The following ROBO2 variants were observed in gnomAD, a reference collection of about 807,000 sequenced individuals.
ROBO2 encodes the protein roundabout guidance receptor 2, also known as roundabout homolog 2.
Under a neutral mutation model 160.8 loss-of-function variants are expected in ROBO2, and 53 were observed. That is an observed-to-expected ratio of 0.33 (90% confidence interval 0.26 to 0.41). The LOEUF is 0.41. Ranked by LOEUF, ROBO2 falls within the 10% of genes least tolerant of loss-of-function variation. ROBO2 has a pLI of 1.00. For synonymous variants in ROBO2, 664 were observed against 611.7 expected (o/e 1.09, Z -1.26); for missense variants, 1,577 against 1,722.4 (o/e 0.92, Z 1.49).
chr3:77,381,854 C>T (rs1273923810), intron 2 of ROBO2, among the ~76,000 whole-genome samples: 3 of 152,046 alleles, frequency 2.0e-5, no homozygotes, highest in East Asian at 3.9e-4. Context: ...ATTTTTAAAC[C>T]AGAGTACATT....
At chr3:77,229,873 C>T (rs554908299) in intron 2 of ROBO2, among the ~76,000 whole-genome samples, 1 of 152,032 alleles carries the variant, frequency 6.6e-6, no homozygotes, top group South Asian at 2.1e-4. Flanking sequence ...ATTGAGATTC[C>T]CTCCATGAAG....
At chr3:76,163,224 C>T (rs1486057624) in intron 2 of ROBO2, among the ~76,000 whole-genome samples, 1 of 151,838 alleles carries the variant, frequency 6.6e-6, no homozygotes, top group Non-Finnish European at 1.5e-5. Flanking sequence ...CCATATTCTA[C>T]CTTCAAATTT....
chr3:76,821,236 T>C (rs1385090616), intron 2 of ROBO2, among the ~76,000 whole-genome samples: 1 of 152,040 alleles, frequency 6.6e-6, no homozygotes, highest in Non-Finnish European at 1.5e-5. Context: ...ATGCCTAGAA[T>C]AAAACTGACT....
rs574826906 is a variant in ROBO2, at chr3:76,707,111, G to T, written c.110-390903G>T. On this transcript the variant is annotated intron_variant, in intron 2 of 26. Coordinates refer to the ROBO2 transcript ENST00000487694. ...GTATGTGTATGTATATGTATACATA[G>T]ACTATATATTAATTTTAACTCCATT... is the stretch of plus-strand genomic sequence containing the variant. Among the ~76,000 whole-genome samples, 82 of 151,986 alleles carry T rather than the reference G, an allele frequency of 5.4e-4. 1 individual carries two copies. The South Asian group carries it at 0.014, about 27-fold the overall frequency.
chr3:77,323,000 T>A (rs556145454), intron 2 of ROBO2, among the ~76,000 whole-genome samples: 46 of 558 alleles, frequency 0.082, no homozygotes, highest in East Asian at 0.12. Flanking sequence ...ATATAATATA[T>A]TATATTATAT....
intron 2 of ROBO2, among the ~76,000 whole-genome samples, chr3:76,967,511 CTTTTTTTTTTTTTTT>C (rs59372235): frequency 3.6e-5 from 2 of 55,372 alleles, no homozygotes; most frequent in Admixed American, 2.3e-4. Context: ...CTGGCCAGCT[CTTTTTTTTTTTTTTT>C]TTTTTTTTTT....
At chr3:76,382,259 C>A (rs941111895) in intron 2 of ROBO2, among the ~76,000 whole-genome samples, 2 of 152,140 alleles carry the variant, frequency 1.3e-5, no homozygotes, top group Non-Finnish European at 2.9e-5. Context: ...TGAGCCACAG[C>A]GCTCGGCCTC....
chr3:76,115,242 A>T (rs1483566482), intron 2 of ROBO2, among the ~76,000 whole-genome samples: 1 of 152,198 alleles, frequency 6.6e-6, no homozygotes, highest in African/African-American at 2.4e-5. Context: ...ACTTCTAATA[A>T]ATTCCCCTTT....
At chr3:77,427,452 T>G (rs1038464321) in intron 2 of ROBO2, among the ~76,000 whole-genome samples, 1 of 152,188 alleles carries the variant, frequency 6.6e-6, no homozygotes, top group Non-Finnish European at 1.5e-5. Context: ...AGTTCACGTA[T>G]CTCATAAGTG....
Position 77,255,620 on chromosome 3 carries a change from A to G in ROBO2, c.388+157280A>G, listed in dbSNP as rs146590800. On this transcript the variant is annotated intron_variant, in intron 2 of 25. Coordinates refer to ENST00000461745, the Ensembl canonical transcript of ROBO2. ...TACTATCCAAATTCCTACCATAGCA[A>G]TTTAGGAGATACCATAGATTTGGAG... 5.3e-3 allele frequency among the ~76,000 whole-genome samples: 814 copies of G among 152,316 alleles called. 4 individuals carry two copies. The highest frequency in any genetic ancestry group is 0.017 in the African/African-American group (696 of 41,578).
At chr3:76,618,302 C>A (rs2088762179) in intron 2 of ROBO2, among the ~76,000 whole-genome samples, 1 of 151,432 alleles carries the variant, frequency 6.6e-6, no homozygotes, top group Non-Finnish European at 1.5e-5. Context: ...TTATTTTTAC[C>A]ATTACTGTTG....
At chr3:76,149,901 T>C (rs1254854675) in intron 2 of ROBO2, among the ~76,000 whole-genome samples, 5 of 150,108 alleles carry the variant, frequency 3.3e-5, no homozygotes, top group Non-Finnish European at 7.4e-5. Context: ...ATCATCTGTC[T>C]AAAACACACA....
intron 2 of ROBO2, among the ~76,000 whole-genome samples, chr3:77,206,738 ACT>A (rs1362333547): frequency 2.0e-5 from 3 of 152,268 alleles, no homozygotes; most frequent in South Asian, 2.1e-4. Flanking sequence ...ATTTAGTAGT[ACT>A]CTCATCAGAA....
intron 2 of ROBO2, among the ~76,000 whole-genome samples, chr3:76,820,685 T>C (rs1451002346): frequency 1.3e-5 from 2 of 151,978 alleles, no homozygotes; most frequent in Non-Finnish European, 1.5e-5. Flanking sequence ...ACTAATGTAC[T>C]TTTAAGTAGG....
intron 2 of ROBO2, among the ~76,000 whole-genome samples, chr3:76,444,885 A>G (rs1440676098): frequency 1.3e-5 from 2 of 152,214 alleles, no homozygotes; most frequent in African/African-American, 2.4e-5. Flanking sequence ...TCCTACACAT[A>G]CAACATTTCT....
intron 1 of ROBO2, among the ~76,000 whole-genome samples, chr3:77,082,900 G>A (rs1260715042): frequency 1.3e-5 from 2 of 151,690 alleles, no homozygotes; most frequent in East Asian, 3.9e-4. Flanking sequence ...AATATATACA[G>A]TATTTAAATG....
chr3:76,278,183 G>A (rs981474117), intron 2 of ROBO2, among the ~76,000 whole-genome samples: 2 of 151,818 alleles, frequency 1.3e-5, no homozygotes, highest in African/African-American at 2.4e-5. Flanking sequence ...GACTGAAATC[G>A]AGTAGAATCA....
intron 2 of ROBO2, among the ~76,000 whole-genome samples, chr3:76,216,852 T>A (rs575110758): frequency 2.0e-5 from 3 of 152,142 alleles, no homozygotes; most frequent in African/African-American, 7.2e-5. Flanking sequence ...ATCAACAGAA[T>A]ATAAATTCTT....
At chr3:77,342,592 G>A (rs1560577316) in intron 2 of ROBO2, among the ~76,000 whole-genome samples, 1 of 152,078 alleles carries the variant, frequency 6.6e-6, no homozygotes, top group African/African-American at 2.4e-5. Context: ...GGTGCTAGGA[G>A]GCTTCTTGGA....
Sources: gnomAD v4.1 joint callset for allele counts (sites outside exome capture counted in the v4.1 genomes callset) on GRCh38, gnomAD v4.1.1 for gene constraint, MANE v1.5 for transcripts, NCBI Gene and HGNC (gene_info 2026-07-23, HGNC 2026-07-21) for gene names.